Variants in KCNK2 observed in about 807,000 individuals in gnomAD.
The protein encoded by KCNK2 is potassium two pore domain channel subfamily K member 2, also known as potassium channel subfamily K member 2.
A neutral mutation model predicts 40.5 loss-of-function variants in KCNK2; 21 were observed. The ratio of observed to expected loss-of-function variants is 0.52; its 90% CI spans 0.37 to 0.75. The LOEUF is 0.75. Among genes scored for constraint, KCNK2 ranks in the 30% least tolerant of loss-of-function variants. KCNK2 has a pLI of 0.00. For synonymous variants in KCNK2, 191 were observed against 202.2 expected (o/e 0.94, Z 0.47); for missense variants, 399 against 531.6 (o/e 0.75, Z 2.45).
At chr1:215,098,609 C>A (rs1482797971) in intron 2 of KCNK2, among the ~76,000 whole-genome samples, 1 of 151,986 alleles carries the variant, frequency 6.6e-6, no homozygotes, top group Non-Finnish European at 1.5e-5. Context: ...AGATACCTAG[C>A]ATTACACTTA....
At chr1:215,105,891 G>A (rs531670352) in intron 2 of KCNK2, among the ~76,000 whole-genome samples, 1 of 152,170 alleles carries the variant, frequency 6.6e-6, no homozygotes, top group South Asian at 2.1e-4. Flanking sequence ...TAGTGAGTAA[G>A]CTGTGTCCAT....
At chr1:215,033,752 G>A (rs1477945748) in intron 1 of KCNK2, among the ~76,000 whole-genome samples, 1 of 152,174 alleles carries the variant, frequency 6.6e-6, no homozygotes, top group Non-Finnish European at 1.5e-5. Context: ...AACCCCAGCA[G>A]GTAGGCTGTG....
intron 3 of KCNK2, among the ~76,000 whole-genome samples, chr1:215,158,339 T>C (rs536513965): frequency 6.6e-6 from 1 of 152,270 alleles, no homozygotes; most frequent in East Asian, 1.9e-4. Context: ...TTATAGGTGA[T>C]GTAAATAGAC....
intron 3 of KCNK2, among the ~76,000 whole-genome samples, chr1:215,157,133 G>A (rs1249613043): frequency 6.6e-6 from 1 of 152,112 alleles, no homozygotes; most frequent in African/African-American, 2.4e-5. Context: ...TGAGATTTGG[G>A]TGGGGACACA....
In KCNK2 at chr1:215,161,887, A is replaced by C. The variant is rs188240716; in HGVS notation, c.476-7312A>C. ...TTGTGAATAGTGCTGCAATAAACAT[A>C]CATGAGCATGTGTCTTTATTGTAGA... is the stretch of plus-strand genomic sequence containing the variant. On this transcript the variant is annotated intron_variant, in intron 3 of 6. Coordinates refer to ENST00000444842, the MANE Select transcript of KCNK2 (RefSeq NM_001017425.3). Among the ~76,000 whole-genome samples the C allele has an allele frequency of 1.6e-4, 24 of 152,324 alleles. No individual in the cohort carries two copies. In the East Asian group the frequency reaches 4.4e-3, roughly 28 times the overall value.
chr1:215,078,420 T>C (rs941377274), upstream of KCNK2, among the ~76,000 whole-genome samples: 1 of 152,216 alleles, frequency 6.6e-6, no homozygotes, highest in Non-Finnish European at 1.5e-5. Context: ...AATTAATTCA[T>C]AGTTCCGCAT....
intron 1 of KCNK2, among the ~76,000 whole-genome samples, chr1:215,037,247 T>C (rs1429328806): frequency 1.3e-5 from 2 of 151,918 alleles, no homozygotes; most frequent in Non-Finnish European, 2.9e-5. Flanking sequence ...TTAAGAATGA[T>C]TGGTGAAATG....
chr1:215,174,369 T>C (rs1363125046), intron 5 of KCNK2, among the ~76,000 whole-genome samples: 1 of 152,218 alleles, frequency 6.6e-6, no homozygotes, highest in Non-Finnish European at 1.5e-5. Flanking sequence ...TTTTGGTTAT[T>C]GTAGCCTTGT....
At chr1:215,220,915 C>T (rs756643000) in intron 6 of KCNK2, among the ~76,000 whole-genome samples, 6 of 152,152 alleles carry the variant, frequency 3.9e-5, no homozygotes, top group Admixed American at 6.5e-5. Context: ...TACCCTCCAC[C>T]GCCTCATCAC....
At chr1:215,070,982 A>G (rs1249709792) in intron 1 of KCNK2, among the ~76,000 whole-genome samples, 1 of 152,220 alleles carries the variant, frequency 6.6e-6, no homozygotes, top group Non-Finnish European at 1.5e-5. Flanking sequence ...TCAATTATTA[A>G]TGTAATTAAA....
chr1:215,158,550 A>C (rs1019910948), intron 3 of KCNK2, among the ~76,000 whole-genome samples: 1 of 152,194 alleles, frequency 6.6e-6, no homozygotes, highest in Non-Finnish European at 1.5e-5. Flanking sequence ...GCAATGCCAC[A>C]GGGAGGATAA....
intron 6 of KCNK2, among the ~76,000 whole-genome samples, chr1:215,219,561 G>A (rs6664253): frequency 0.25 from 37,508 of 151,818 alleles, 5,732 homozygotes; most frequent in African/African-American, 0.43. Context: ...ATCAGGTGAT[G>A]CAGAATTTTG....
intron 1 of KCNK2, among the ~76,000 whole-genome samples, chr1:215,047,480 C>G (rs1022563051): frequency 6.6e-6 from 1 of 151,934 alleles, no homozygotes; most frequent in Non-Finnish European, 1.5e-5. Context: ...AATAACAGAA[C>G]CTAAATTTGA....
chr1:215,218,142 A>C (rs1666030024), intron 6 of KCNK2, among the ~76,000 whole-genome samples: 1 of 152,202 alleles, frequency 6.6e-6, no homozygotes, highest in Non-Finnish European at 1.5e-5. Context: ...GACTTAATGC[A>C]GTCACAGTAT....
chr1:215,152,036 G>A (rs1038970883), intron 3 of KCNK2, among the ~76,000 whole-genome samples: 9 of 152,074 alleles, frequency 5.9e-5, no homozygotes, highest in Non-Finnish European at 1.2e-4. Context: ...GATGGCTTTT[G>A]TTCCATTCTT....
chr1:215,034,142 T>TTTTTTTTAC, intron 1 of KCNK2, among the ~76,000 whole-genome samples: 1 of 152,194 alleles, frequency 6.6e-6, no homozygotes, highest in Non-Finnish European at 1.5e-5. Context: ...AAAAGAGTTG[T>TTTTTTTTAC]TGACTTTTTT....
intron 3 of KCNK2, among the ~76,000 whole-genome samples, chr1:215,166,801 G>T (rs986181717): frequency 2.6e-5 from 4 of 151,982 alleles, no homozygotes; most frequent in African/African-American, 4.8e-5. Context: ...ATTGTATTTT[G>T]CTTACAAGTA....
chr1:215,143,388 G>A lies in KCNK2; in HGVS notation c.475+18638G>A, dbSNP rs551488896. Reference sequence around the variant, plus strand: ...ACATTGTAGGCCTTGGTATCAGTGGGTTTTAAAATGTCATAGGTCAGAAAA... The same window carrying A: ...ACATTGTAGGCCTTGGTATCAGTGGATTTTAAAATGTCATAGGTCAGAAAA... On this transcript the variant is annotated intron_variant, in intron 3 of 6. Coordinates refer to ENST00000444842, the MANE Select transcript of KCNK2 (RefSeq NM_001017425.3). Among the ~76,000 whole-genome samples, 38 of 152,220 alleles carry A rather than the reference G, an allele frequency of 2.5e-4. No individual in the cohort carries two copies. The South Asian group carries it at 7.3e-3, about 29-fold the overall frequency.
chr1:215,037,154 G>C (rs1321413655), intron 1 of KCNK2, among the ~76,000 whole-genome samples: 1 of 151,574 alleles, frequency 6.6e-6, no homozygotes, highest in Non-Finnish European at 1.5e-5. Flanking sequence ...GAGCCATAAG[G>C]TTTTAGTGTT....
Sources: allele counts gnomAD v4.1 joint callset (sites outside exome capture counted in the v4.1 genomes callset), GRCh38; gene constraint gnomAD v4.1.1; transcripts MANE v1.5; gene names NCBI Gene and HGNC (gene_info 2026-07-23, HGNC 2026-07-21).